FLT3: variants seen among roughly 807,000 people sequenced by gnomAD.
FLT3 encodes fms related receptor tyrosine kinase 3, also known as receptor-type tyrosine-protein kinase FLT3.
FLT3 carries 46 observed loss-of-function variants against 126.6 expected under a neutral mutation model. That is an observed-to-expected ratio of 0.36 (90% CI 0.29 to 0.46). The LOEUF is 0.46. FLT3 is among the 20% of genes least tolerant of loss of function. FLT3 has a pLI of 1.00. For synonymous variants in FLT3, 404 were observed against 434.4 expected, an observed-to-expected ratio of 0.93 and a Z score of 0.87; for missense variants, 1,069 against 1,190.3, an observed-to-expected ratio of 0.90 and a Z score of 1.50.
chr13:28,066,660 A>C (rs1877064816), intron 2 of FLT3, among the ~76,000 whole-genome samples: 1 of 152,210 alleles, frequency 6.6e-6, no homozygotes, highest in African/African-American at 2.4e-5. Flanking sequence ...GATATAAATA[A>C]AAAATTGAAT....
intron 20 of FLT3, among the ~76,000 whole-genome samples, chr13:28,016,148 T>A: frequency 6.6e-6 from 1 of 152,336 alleles, no homozygotes; most frequent in Admixed American, 6.5e-5. Flanking sequence ...GATACCAGTC[T>A]GGCTTCTGTG....
intron 1 of FLT3, among the ~76,000 whole-genome samples, chr13:28,081,943 A>C (rs566300481): frequency 1.5e-5 from 2 of 133,142 alleles, no homozygotes; most frequent in Non-Finnish European, 3.0e-5. Context: ...TGCAACCTCC[A>C]TCTCCCGGGT....
At position 28,021,760 on chromosome 13, in the gene FLT3, T is replaced by G. The variant is rs75658740; in HGVS notation, c.2418+1590A>C. On this transcript the variant is annotated intron_variant, in intron 19 of 23. Coordinates refer to ENST00000241453, the MANE Select transcript of FLT3 (RefSeq NM_004119.3). ...TATTTTTAATTAATTTTTTTTTTTTTGAGACAGAGTCTCACTCTGTCGCCC... is the reference window on the plus strand; with the variant it reads ...TATTTTTAATTAATTTTTTTTTTTTGGAGACAGAGTCTCACTCTGTCGCCC... 2.0e-5 allele frequency among the ~76,000 whole-genome samples: 3 copies of G among 151,604 alleles called. 1 individual carries two copies. Among genetic ancestry groups the G allele is most frequent in the Admixed American group, 2.0e-4 (3 of 15,222 alleles).
At chr13:28,041,125 TG>T (rs1326963287) in intron 9 of FLT3, among the ~76,000 whole-genome samples, 2 of 152,044 alleles carry the variant, frequency 1.3e-5, no homozygotes, top group Non-Finnish European at 2.9e-5. Context: ...ATAGAAAGAT[TG>T]GGGGAAAGCC....
intron 15 of FLT3, among the ~76,000 whole-genome samples, chr13:28,030,606 A>C (rs1411386636): frequency 6.6e-6 from 1 of 152,208 alleles, no homozygotes; most frequent in African/African-American, 2.4e-5. Context: ...CCGCGCCTCT[A>C]ATCCCAACAT....
chr13:28,035,774 G>T, intron 11 of FLT3, 101 bp from the exon 12 acceptor site: 1 of 1,322,632 alleles, frequency 7.6e-7, no homozygotes, highest in Non-Finnish European at 1.1e-6. Context: ...TCCAGTATAA[G>T]TTATCAGAAA....
chr13:28,049,800 A>AG (rs753876149), intron 6 of FLT3, 26 bp from the exon 7 acceptor site: 36 of 1,588,510 alleles, frequency 2.3e-5, no homozygotes, highest in Middle Eastern at 1.7e-4. Context: ...ATCCCAAGTG[A>AG]GAAAAAAAAA....
chr13:28,049,916 T>C, intron 6 of FLT3, 142 bp from the exon 7 acceptor site: 1 of 1,101,262 alleles, frequency 9.1e-7, no homozygotes, highest in Non-Finnish European at 1.3e-6. Flanking sequence ...TTTTAGAGAC[T>C]GACTCCTCTT....
At chr13:28,071,156 G>A (rs1352663937) in intron 1 of FLT3, among the ~76,000 whole-genome samples, 2 of 147,146 alleles carry the variant, frequency 1.4e-5, no homozygotes, top group East Asian at 4.0e-4. Context: ...CACCGTGCCT[G>A]GCTAATTTTC....
In FLT3 at chr13:28,052,657, A is replaced by T. The variant is rs2137741357; in HGVS notation, c.502T>A (p.Leu168Ile). 1 of 1,607,814 alleles carries T rather than the reference A, an allele frequency of 6.2e-7. No homozygotes were observed. ...VSIRNTLLYT[L>I]RRPYFRKMEN... ...ATTTTTCTAAAGTAAGGTCTTCTTAATGTGTAAAGCAGGGTATCTAAAGCA... is the reference window on the plus strand; with the variant it reads ...ATTTTTCTAAAGTAAGGTCTTCTTATTGTGTAAAGCAGGGTATCTAAAGCA... The change falls in exon 5 of 24, where the codon TTA (leucine) becomes ATA (isoleucine). Residue 168 changes from leucine to isoleucine, a missense_variant. Transcript: ENST00000241453.
At position 28,004,072 on chromosome 13, in the gene FLT3, C is replaced by A. The variant is rs74041526; in HGVS notation, c.2962G>T (p.Ala988Ser). Residue 988 changes from alanine (A) to serine (S), a missense_variant, in exon 24 of 24, where the codon GCT becomes TCT. Coordinates refer to ENST00000241453, the MANE Select transcript of FLT3 (RefSeq NM_004119.3). The stretch of plus-strand genomic sequence containing the variant: ...TTCCTCTACGAATCTTCGACCTGAG[C>A]CTGCGGAGAGAGTAGCCCCAAATCC... Reference protein sequence around the residue: ...EMDLGLLSPQAQVEDS With the variant: ...EMDLGLLSPQSQVEDS 1 of 1,613,952 alleles carries A rather than the reference C, an allele frequency of 6.2e-7. No individual in the cohort carries two copies. Among genetic ancestry groups the A allele is most frequent in the Non-Finnish European group, 8.5e-7 (1 of 1,180,038 alleles).
rs149057582 is a variant in FLT3, at chr13:28,035,669, T to C, written c.1423A>G (p.Thr475Ala). ...CAGACTCCTTCTGTGATCTCTTCTG[T>C]GCAGCTGAAAAAAAAAATAGCAAAG... ...KKCSDKSPNC[T>A]EEITEGVWNR... is the part of the protein sequence containing the mutation. The change falls in exon 12 of 24, where the codon ACA (threonine) becomes GCA (alanine). Residue 475 changes from threonine to alanine, a missense_variant. Physicochemically the swap from Thr to Ala is moderately conservative, Grantham distance 58. Transcript: ENST00000241453. 1.2e-6 allele frequency: 2 copies of C among 1,601,302 alleles called. No homozygotes were observed. Among genetic ancestry groups the C allele is most frequent in the Non-Finnish European group, 1.7e-6 (2 of 1,177,002 alleles).
At chr13:28,027,442 T>C (rs2137653355) in intron 16 of FLT3, among the ~76,000 whole-genome samples, 1 of 152,348 alleles carries the variant, frequency 6.6e-6, no homozygotes, top group Middle Eastern at 3.4e-3. Flanking sequence ...AGCAGCATCT[T>C]CTTGACATTC....
At chr13:28,025,961 T>C (rs1414378746) in intron 17 of FLT3, among the ~76,000 whole-genome samples, 1 of 152,128 alleles carries the variant, frequency 6.6e-6, no homozygotes, top group African/African-American at 2.4e-5. Context: ...CTCTCAAATG[T>C]ATCCCTAAAA....
intron 23 of FLT3, among the ~76,000 whole-genome samples, chr13:28,005,885 T>C (rs2137582973): frequency 6.6e-6 from 1 of 152,308 alleles, no homozygotes; most frequent in Admixed American, 6.5e-5. Context: ...TCTGCAAAGT[T>C]GGGCCTTTTT....
At chr13:28,070,447 T>A in intron 2 of FLT3, 44 bp downstream of exon 2, 13 of 1,562,314 alleles carry the variant, frequency 8.3e-6, no homozygotes, top group Non-Finnish European at 1.1e-5. Flanking sequence ...AATTACGTTC[T>A]CTAGAGAAAA....
Position 28,045,129 on chromosome 13 carries a change from A to G in FLT3, c.1205+3146T>C, listed in dbSNP as rs73439112. On this transcript the variant is annotated intron_variant, in intron 9 of 23. Coordinates refer to ENST00000241453, the MANE Select transcript of FLT3 (RefSeq NM_004119.3). ...ATCTGGGGTCATGGGTATGGATTGT[A>G]GCCATGGAATGAAACTACATGAAGC... Among the ~76,000 whole-genome samples the G allele has an allele frequency of 9.0e-3, 1,370 of 152,278 alleles. 23 individuals are homozygous for G. Among genetic ancestry groups the G allele is most frequent in the African/African-American group, 0.031 (1,300 of 41,548 alleles).
At chr13:28,069,940 C>A (rs563936726) in intron 2 of FLT3, among the ~76,000 whole-genome samples, 7 of 151,970 alleles carry the variant, frequency 4.6e-5, no homozygotes, top group South Asian at 4.2e-4. Flanking sequence ...AGAGTGGGAC[C>A]CCATCTTTGC....
intron 19 of FLT3, among the ~76,000 whole-genome samples, chr13:28,019,683 T>C (rs1872205628): frequency 6.6e-6 from 1 of 152,150 alleles, no homozygotes; most frequent in Non-Finnish European, 1.5e-5. Flanking sequence ...CCCAAGCTGC[T>C]CTGGCCGAGG....
Sources: gnomAD v4.1 joint callset for allele counts (sites outside exome capture counted in the v4.1 genomes callset) on GRCh38, gnomAD v4.1.1 for gene constraint, MANE v1.5 for transcripts, NCBI Gene and HGNC (gene_info 2026-07-23, HGNC 2026-07-21) for gene names.